EPB41L1: variants seen among roughly 807,000 people sequenced by gnomAD.
The protein encoded by EPB41L1 is band 4.1-like protein 1.
Under a neutral mutation model 97.8 loss-of-function variants are expected in EPB41L1, and 29 were observed. That is an observed-to-expected ratio of 0.30 (90% CI 0.22 to 0.40). EPB41L1 has a LOEUF of 0.40. EPB41L1 is among the 10% of genes least tolerant of loss of function. The pLI is 1.00. For synonymous variants in EPB41L1, 383 were observed against 459.2 expected (o/e 0.83, Z 2.12); for missense variants, 812 against 1,162.3 (o/e 0.70, Z 4.38).
chr20:36,197,541 C>A, intron 13 of EPB41L1: 1 of 729,420 alleles, frequency 1.4e-6, no homozygotes, highest in Non-Finnish European at 1.7e-6. Flanking sequence ...ACAGGGAACT[C>A]ACCCAGACCT....
chr20:36,161,497 A>G (rs1460282858), intron 1 of EPB41L1, among the ~76,000 whole-genome samples: 1 of 151,594 alleles, frequency 6.6e-6, no homozygotes, highest in African/African-American at 2.4e-5. Flanking sequence ...TGTTTTTGAG[A>G]TGGAGTCTTG....
chr20:36,197,542 A>G, intron 13 of EPB41L1: 1 of 759,618 alleles, frequency 1.3e-6, no homozygotes, highest in Non-Finnish European at 1.6e-6. Flanking sequence ...CAGGGAACTC[A>G]CCCAGACCTG....
At chr20:36,193,251 A>G (rs975062948) in intron 11 of EPB41L1, among the ~76,000 whole-genome samples, 23 of 152,186 alleles carry the variant, frequency 1.5e-4, no homozygotes, top group South Asian at 2.1e-4. Context: ...AAAGGTCACC[A>G]GTGGGATATT....
chr20:36,218,719 G>A (rs1365606547), intron 17 of EPB41L1, among the ~76,000 whole-genome samples, 157 bp from the exon 18 acceptor site: 1 of 152,250 alleles, frequency 6.6e-6, no homozygotes, highest in African/African-American at 2.4e-5. Flanking sequence ...AGTGAGCAAG[G>A]GATGAATGAG....
rs183305339 is a variant in EPB41L1, at chr20:36,211,192, C to T, written c.2080-1080C>T. Among the ~76,000 whole-genome samples, 111 of 148,978 alleles carry T rather than the reference C, an allele frequency of 7.5e-4. 1 individual carries two copies. Among genetic ancestry groups the T allele is most frequent in the African/African-American group, 2.7e-3 (109 of 40,508 alleles). ...ACCTGAGGTCAGGAGTTCAAGACCA[C>T]CCTGACCAACATGGTGAAACCTTGT... is the stretch of plus-strand genomic sequence containing the variant. On this transcript the variant is annotated intron_variant, in intron 15 of 21. Coordinates refer to ENST00000338074, the MANE Select transcript of EPB41L1 (RefSeq NM_012156.2).
At chr20:36,157,530 T>C (rs1286369484) in intron 1 of EPB41L1, among the ~76,000 whole-genome samples, 1 of 152,188 alleles carries the variant, frequency 6.6e-6, no homozygotes, top group African/African-American at 2.4e-5. Flanking sequence ...TATCTGGAAG[T>C]ACCAGGTTGG....
intron 5 of EPB41L1, among the ~76,000 whole-genome samples, chr20:36,179,887 G>T (rs540440012): frequency 1.3e-5 from 2 of 152,190 alleles, no homozygotes; most frequent in Non-Finnish European, 2.9e-5. Context: ...CAGATCCTCC[G>T]CCTGGGCTTC....
At chr20:36,175,757 C>G (rs756034449) in intron 3 of EPB41L1, 42 bp downstream of exon 3, 20 of 1,610,124 alleles carry the variant, frequency 1.2e-5, no homozygotes, top group Admixed American at 1.7e-5. Flanking sequence ...CCCCGGTCAG[C>G]CAGCCTCAGG....
intron 1 of EPB41L1, among the ~76,000 whole-genome samples, chr20:36,160,556 C>T (rs907981287): frequency 3.3e-5 from 5 of 151,468 alleles, no homozygotes; most frequent in African/African-American, 1.2e-4. Context: ...CGCCATTGCA[C>T]TCCAGCCTGG....
intron 1 of EPB41L1, among the ~76,000 whole-genome samples, chr20:36,172,922 A>G (rs180682954): frequency 5.3e-4 from 80 of 152,316 alleles, no homozygotes; most frequent in African/African-American, 1.9e-3. Context: ...CAAATATAAA[A>G]ATGAGACCAT....
chr20:36,161,847 A>G (rs2060537196), intron 1 of EPB41L1, among the ~76,000 whole-genome samples: 2 of 151,962 alleles, frequency 1.3e-5, no homozygotes, highest in Admixed American at 6.6e-5. Flanking sequence ...TGTGACCTCA[A>G]ACTCCCAGGC....
intron 1 of EPB41L1, among the ~76,000 whole-genome samples, chr20:36,096,732 C>G (rs533414973): frequency 6.6e-6 from 1 of 152,232 alleles, no homozygotes; most frequent in Non-Finnish European, 1.5e-5. Context: ...TTGTTTGTCC[C>G]TTTACTAGAC....
At chr20:36,208,341 C>T (rs940453173) in intron 14 of EPB41L1, 9 of 454,648 alleles carry the variant, frequency 2.0e-5, no homozygotes, top group Admixed American at 1.9e-4. Flanking sequence ...AAGCGCTCCA[C>T]CAACTTAGCA....
chr20:36,102,665 C>T (rs573535542), intron 1 of EPB41L1, among the ~76,000 whole-genome samples: 1 of 152,322 alleles, frequency 6.6e-6, no homozygotes, highest in South Asian at 2.1e-4. Flanking sequence ...CTGGCTTCAC[C>T]CACCACTGGG....
intron 2 of EPB41L1, among the ~76,000 whole-genome samples, chr20:36,149,179 CAGAG>C (rs1343290700): frequency 1.3e-5 from 2 of 152,208 alleles, no homozygotes; most frequent in Non-Finnish European, 2.9e-5. Context: ...AACTGAGGCT[CAGAG>C]AGGCTAAGGC....
At chr20:36,192,109 T>C (rs868749561) in intron 11 of EPB41L1, among the ~76,000 whole-genome samples, 6 of 151,772 alleles carry the variant, frequency 4.0e-5, no homozygotes, top group Middle Eastern at 3.4e-3. Flanking sequence ...ACCTGTAATC[T>C]CAGCTACTCG....
At chr20:36,216,636 A>T (rs939320531) in intron 17 of EPB41L1, among the ~76,000 whole-genome samples, 5 of 152,168 alleles carry the variant, frequency 3.3e-5, no homozygotes, top group Non-Finnish European at 5.9e-5. Flanking sequence ...TCCTTCCACA[A>T]ATATTGATTG....
chr20:36,231,194 A>AT lies in EPB41L1; in HGVS notation c.*1855dup, dbSNP rs1420197135. The AT allele has an allele frequency of 6.6e-6, 1 of 152,206 alleles. No individual in the cohort carries two copies. The highest frequency in any genetic ancestry group is 1.5e-5 in the Non-Finnish European group (1 of 68,040). The allele number at this position is 152,206 out of a possible 1,614,324, so 9.4% of individuals were successfully genotyped here. A position where few individuals can be genotyped will look rare whatever the true frequency, so the allele number is the denominator to read the frequency against. On this transcript the variant is annotated 3_prime_UTR_variant, in exon 22 of 22. Transcript: ENST00000338074. ...CACAGGAACCCTTCAAGAAGCTCCC[A>AT]TCACAAGCTTGGCATTGCTCTCTGC...
intron 6 of EPB41L1, among the ~76,000 whole-genome samples, chr20:36,184,875 G>C (rs1227367179): frequency 6.6e-6 from 1 of 152,194 alleles, no homozygotes; most frequent in African/African-American, 2.4e-5. Context: ...AATTGAAAAT[G>C]CTGTCATAAT....
Sources: allele counts gnomAD v4.1 joint callset (sites outside exome capture counted in the v4.1 genomes callset), GRCh38; gene constraint gnomAD v4.1.1; transcripts MANE v1.5; gene names NCBI Gene and HGNC (gene_info 2026-07-23, HGNC 2026-07-21).